The following ARHGAP15 variants were observed in gnomAD, a reference collection of about 807,000 sequenced individuals.
ARHGAP15 encodes rho GTPase-activating protein 15.
In ARHGAP15, 51 loss-of-function variants were observed where a neutral mutation model predicts 63.7. That is an observed-to-expected ratio of 0.80 (90% CI 0.64 to 1.01). The LOEUF is 1.01. ARHGAP15 is among the 50% of genes least tolerant of loss of function. The probability of loss-of-function intolerance (pLI) is 0.00; values close to 1 mark genes in which losing one functional copy is unlikely to be tolerated. For missense variants in ARHGAP15, 560 were observed against 564.6 expected, an observed-to-expected ratio of 0.99 and a Z score of 0.08; for synonymous variants, 191 against 193.8, an observed-to-expected ratio of 0.99 and a Z score of 0.12.
rs147613962 is a variant in ARHGAP15 at position 143,768,155 on chromosome 2, G to T, written c.1411G>T (p.Gly471Cys). ...LMLSEYSKIF[G>C]SEED is the part of the protein sequence containing the mutation. ...GCTGAGTGAGTACAGTAAGATCTTC[G>T]GCTCAGAGGAAGACTGACAGACAAG... The change falls in exon 14 of 14, where the codon GGC becomes TGC. Residue 471 changes from glycine to cysteine, a missense_variant. Gly to Cys is a radical substitution (Grantham distance 159). Coordinates refer to ENST00000295095, the MANE Select transcript of ARHGAP15 (RefSeq NM_018460.4). 3.1e-6 allele frequency: 5 copies of T among 1,613,298 alleles called. No individual in the cohort carries two copies. Among genetic ancestry groups the T allele is most frequent in the Non-Finnish European group, 4.2e-6 (5 of 1,179,508 alleles).
intron 10 of ARHGAP15, among the ~76,000 whole-genome samples, chr2:143,531,273 G>A (rs944176708): frequency 1.3e-5 from 2 of 152,144 alleles, no homozygotes; most frequent in African/African-American, 4.8e-5. Flanking sequence ...AGTATTTATA[G>A]TTTTAAATAC....
intron 13 of ARHGAP15, among the ~76,000 whole-genome samples, chr2:143,737,994 G>T (rs942111369): frequency 1.3e-5 from 2 of 152,090 alleles, no homozygotes; most frequent in African/African-American, 4.8e-5. Context: ...CTGACCTCAG[G>T]TGATCTGCCC....
chr2:143,536,202 G>A (rs999005247), intron 10 of ARHGAP15, among the ~76,000 whole-genome samples: 15 of 151,726 alleles, frequency 9.9e-5, no homozygotes, highest in South Asian at 2.1e-4. Context: ...CATTCCTACC[G>A]TCCGCCTAAT....
At chr2:143,401,725 G>A (rs184809826) in intron 6 of ARHGAP15, among the ~76,000 whole-genome samples, 12 of 151,718 alleles carry the variant, frequency 7.9e-5, no homozygotes, top group East Asian at 1.9e-4. Flanking sequence ...TACCATCCTC[G>A]TTTTAAATCC....
At chr2:143,698,684 T>C (rs1683955600) in intron 12 of ARHGAP15, among the ~76,000 whole-genome samples, 1 of 152,054 alleles carries the variant, frequency 6.6e-6, no homozygotes, top group Non-Finnish European at 1.5e-5. Flanking sequence ...AAGAGGCTAT[T>C]TGGATATGGG....
intron 8 of ARHGAP15, among the ~76,000 whole-genome samples, chr2:143,481,600 C>G (rs1198123220): frequency 6.6e-6 from 1 of 152,098 alleles, no homozygotes; most frequent in African/African-American, 2.4e-5. Context: ...TTCCCATACC[C>G]TAAATGGGAG....
In ARHGAP15 at chr2:143,477,169, T is replaced by TAC. The variant is rs59876741; in HGVS notation, c.704-10190_704-10189dup. Reference sequence around the variant, plus strand: ...TTTTTTTAATGAGAGCCAAATCATTTACACACACACACACATGCTCGCACA... The same window carrying TAC: ...TTTTTTTAATGAGAGCCAAATCATTTACACACACACACACACATGCTCGCACA... On this transcript the variant is annotated intron_variant, in intron 8 of 13. Coordinates refer to ENST00000295095, the MANE Select transcript of ARHGAP15 (RefSeq NM_018460.4). Among the ~76,000 whole-genome samples the TAC allele has an allele frequency of 5.8e-4, 87 of 150,976 alleles. No homozygotes were observed. The East Asian group carries it at 0.013, about 22-fold the overall frequency.
At chr2:143,722,776 A>G (rs1219193967) in intron 13 of ARHGAP15, among the ~76,000 whole-genome samples, 5 of 152,294 alleles carry the variant, frequency 3.3e-5, no homozygotes, top group African/African-American at 9.6e-5. Flanking sequence ...AGAGGGAACC[A>G]GGATATAGGT....
chr2:143,214,715 C>T (rs1010967117), intron 3 of ARHGAP15, among the ~76,000 whole-genome samples: 37 of 152,142 alleles, frequency 2.4e-4, no homozygotes, highest in Admixed American at 2.3e-3. Context: ...TTATTATTAT[C>T]TCTATCATTA....
intron 6 of ARHGAP15, among the ~76,000 whole-genome samples, chr2:143,327,409 A>G (rs1184627694): frequency 6.6e-6 from 1 of 152,230 alleles, no homozygotes; most frequent in African/African-American, 2.4e-5. Context: ...TAAATTTCAT[A>G]TGGAACCAAA....
rs1026140385 is a variant in ARHGAP15, at chr2:143,269,928, G to A, written c.474+19328G>A. Among the ~76,000 whole-genome samples, 4 of 151,934 alleles carry A rather than the reference G, an allele frequency of 2.6e-5. No homozygotes were observed. The East Asian group carries it at 5.8e-4, about 22-fold the overall frequency. On this transcript the variant is annotated intron_variant, in intron 6 of 13. Transcript: ENST00000295095. ...AATGAGGTACATATGTTTTGTTGAG[G>A]GTTTATAAGAAAAATATTTCTCCAT... is the stretch of plus-strand genomic sequence containing the variant.
intron 12 of ARHGAP15, among the ~76,000 whole-genome samples, chr2:143,651,568 ATT>A (rs1244523669): frequency 6.6e-6 from 1 of 151,942 alleles, no homozygotes; most frequent in African/African-American, 2.4e-5. Context: ...ATACGCTTTC[ATT>A]TCTCTTGCAT....
chr2:143,732,650 G>GT (rs1213447058), intron 13 of ARHGAP15, among the ~76,000 whole-genome samples: 1 of 151,698 alleles, frequency 6.6e-6, no homozygotes, highest in Non-Finnish European at 1.5e-5. Context: ...AATAATACAG[G>GT]TTGTCAGTAT....
intron 10 of ARHGAP15, among the ~76,000 whole-genome samples, chr2:143,542,300 G>T (rs1358281915): frequency 1.3e-5 from 2 of 152,110 alleles, no homozygotes; most frequent in African/African-American, 4.8e-5. Context: ...CTAGGAAAGG[G>T]AATTCCCTGA....
At chr2:143,153,999 G>T (rs1308687707) in intron 1 of ARHGAP15, among the ~76,000 whole-genome samples, 9 of 149,600 alleles carry the variant, frequency 6.0e-5, no homozygotes, top group African/African-American at 2.2e-4. Flanking sequence ...CCTTTTTATG[G>T]TTTATTGTTT....
chr2:143,367,289 A>T (rs1686335979), intron 6 of ARHGAP15, among the ~76,000 whole-genome samples: 1 of 151,950 alleles, frequency 6.6e-6, no homozygotes, highest in Admixed American at 6.6e-5. Flanking sequence ...TCCATCTCTG[A>T]GGGTTCTGAC....
chr2:143,196,588 G>T (rs1267063206), intron 2 of ARHGAP15, among the ~76,000 whole-genome samples: 5 of 151,736 alleles, frequency 3.3e-5, no homozygotes, highest in Non-Finnish European at 7.4e-5. Flanking sequence ...GAATTGTCAG[G>T]GCCCCTTTTC....
At chr2:143,513,531 G>A (rs1693677267) in intron 9 of ARHGAP15, among the ~76,000 whole-genome samples, 1 of 152,048 alleles carries the variant, frequency 6.6e-6, no homozygotes, top group South Asian at 2.1e-4. Flanking sequence ...TTCTCTTCAA[G>A]TCTTAATTAC....
At chr2:143,321,733 G>A (rs559473654) in intron 6 of ARHGAP15, among the ~76,000 whole-genome samples, 2 of 152,332 alleles carry the variant, frequency 1.3e-5, no homozygotes, top group Admixed American at 1.3e-4. Context: ...GTCTTGCTCT[G>A]TCACCCACTT....
Sources: allele counts gnomAD v4.1 joint callset (sites outside exome capture counted in the v4.1 genomes callset), GRCh38; gene constraint gnomAD v4.1.1; transcripts MANE v1.5; gene names NCBI Gene and HGNC (gene_info 2026-07-23, HGNC 2026-07-21).